Variants in MYO5B observed in about 807,000 individuals in gnomAD.
MYO5B encodes the protein myosin VB.
Under a neutral mutation model 229.3 loss-of-function variants are expected in MYO5B, and 143 were observed. The observed-to-expected ratio is 0.62, with a 90% CI of 0.54 to 0.72. The LOEUF is 0.72. MYO5B is among the 30% of genes least tolerant of loss of function. The pLI, the probability that MYO5B is intolerant of heterozygous loss-of-function variation, is 0.00. For synonymous variants in MYO5B, 918 were observed against 885.2 expected (o/e 1.04, Z -0.66); for missense variants, 2,321 against 2,331.0 (o/e 1.00, Z 0.09).
chr18:50,014,666 G>A (rs2026198431), intron 4 of MYO5B, among the ~76,000 whole-genome samples: 1 of 152,172 alleles, frequency 6.6e-6, no homozygotes, highest in African/African-American at 2.4e-5. Context: ...GGCTGGATGA[G>A]GAGCCCAAAG....
Position 49,826,306 on chromosome 18 carries a change from G to C in MYO5B, c.*165C>G, listed in dbSNP as rs1217634780. Reference sequence around the variant, plus strand: ...CTGAGCAGTAGGTACAAAAAATAATGACATAGTTGTGTCTAATTCTGTATA... The same window carrying C: ...CTGAGCAGTAGGTACAAAAAATAATCACATAGTTGTGTCTAATTCTGTATA... On this transcript the variant is annotated 3_prime_UTR_variant, in exon 40 of 40. Transcript: ENST00000285039. The C allele has an allele frequency of 1.2e-6, 1 of 810,372 alleles. No individual in the cohort carries two copies. Among genetic ancestry groups the C allele is most frequent in the Non-Finnish European group, 2.0e-6 (1 of 508,832 alleles). The allele number at this position is 810,372 out of a possible 1,614,324, so 50.2% of individuals were successfully genotyped here. A position where few individuals can be genotyped will look rare whatever the true frequency, so the allele number is the denominator to read the frequency against.
chr18:49,996,674 T>C (rs2025990951), intron 5 of MYO5B, among the ~76,000 whole-genome samples: 1 of 152,222 alleles, frequency 6.6e-6, no homozygotes, highest in African/African-American at 2.4e-5. Flanking sequence ...AAGAGGTATG[T>C]ATCAAGTAGT....
At chr18:50,120,268 AAG>A (rs1433907110) in intron 1 of MYO5B, among the ~76,000 whole-genome samples, 3 of 152,242 alleles carry the variant, frequency 2.0e-5, no homozygotes, top group African/African-American at 7.2e-5. Context: ...GTAAATGTGG[AAG>A]ACTCAAGTGA....
At chr18:50,129,023 G>A (rs868973) in intron 1 of MYO5B, among the ~76,000 whole-genome samples, 11 of 152,146 alleles carry the variant, frequency 7.2e-5, no homozygotes, top group East Asian at 1.9e-4. Flanking sequence ...CAAATCTCAC[G>A]GTAAGTCACT....
intron 17 of MYO5B, among the ~76,000 whole-genome samples, chr18:49,915,255 C>T (rs191342926): frequency 6.8e-4 from 103 of 152,172 alleles, no homozygotes; most frequent in Non-Finnish European, 6.5e-4. Context: ...AGTATATTTG[C>T]GAAGTTGTGC....
chr18:50,009,479 A>C (rs1326283948), intron 4 of MYO5B, among the ~76,000 whole-genome samples: 1 of 152,206 alleles, frequency 6.6e-6, no homozygotes, highest in Non-Finnish European at 1.5e-5. Flanking sequence ...ACACAAAACT[A>C]TATTAATATA....
At position 49,843,417 on chromosome 18, in the gene MYO5B, G is replaced by A. The variant is rs143558993; in HGVS notation, c.4460-25C>T. On this transcript the variant is annotated intron_variant, in intron 33 of 39. Transcript: ENST00000285039. ...TCTAAGGGCAACGAGAGCAGCAAAT[G>A]GCAAGTTAGATCTATGGGGGACAAT... The A allele has an allele frequency of 0.011, 17,157 of 1,613,878 alleles. 790 individuals carry two copies. The South Asian group carries it at 0.12, about 11-fold the overall frequency.
At chr18:50,156,798 A>G (rs1300822379) in intron 1 of MYO5B, among the ~76,000 whole-genome samples, 1 of 152,240 alleles carries the variant, frequency 6.6e-6, no homozygotes, top group African/African-American at 2.4e-5. Flanking sequence ...TAGAACTAAA[A>G]GCTAGAAGTC....
chr18:49,920,897 G>A (rs1473541718), intron 17 of MYO5B, among the ~76,000 whole-genome samples: 2 of 152,152 alleles, frequency 1.3e-5, no homozygotes, highest in East Asian at 1.9e-4. Flanking sequence ...CCGTGGGTCA[G>A]GCTCCAGTCC....
chr18:49,906,621 T>C lies in MYO5B; in HGVS notation c.2212A>G (p.Lys738Glu), dbSNP rs753293377. Reference protein sequence around the residue: ...VLENLIKDPDKFQFGRTKIFF... With the variant: ...VLENLIKDPDEFQFGRTKIFF... ...ATCTTGGTGCGGCCAAACTGGAACT[T>C]GTCGGGGTCCTTTACAAGGTAGGGA... Residue 738 changes from lysine to glutamate, a missense_variant, in exon 19 of 40, where the codon AAG becomes GAG. By Grantham distance (56) the Lys-to-Glu change is moderately conservative. Coordinates refer to ENST00000285039, the MANE Select transcript of MYO5B (RefSeq NM_001080467.3). The C allele has an allele frequency of 4.3e-6, 7 of 1,613,750 alleles. No individual in the cohort carries two copies. The highest frequency in any genetic ancestry group is 5.9e-6 in the Non-Finnish European group (7 of 1,179,908).
At chr18:49,909,348 C>T (rs1231187706) in intron 18 of MYO5B, among the ~76,000 whole-genome samples, 1 of 152,218 alleles carries the variant, frequency 6.6e-6, no homozygotes, top group Admixed American at 6.5e-5. Context: ...CTCAATCAGA[C>T]TGGATCAGAG....
At chr18:50,054,453 C>G (rs1038252102) in intron 2 of MYO5B, among the ~76,000 whole-genome samples, 3 of 152,206 alleles carry the variant, frequency 2.0e-5, no homozygotes, top group Admixed American at 6.5e-5. Flanking sequence ...TCACTGCCCC[C>G]CTTTAGCACT....
intron 1 of MYO5B, among the ~76,000 whole-genome samples, chr18:50,096,440 C>A (rs998002493): frequency 6.6e-6 from 1 of 152,130 alleles, no homozygotes; most frequent in East Asian, 1.9e-4. Flanking sequence ...AGCCTCTCCC[C>A]CCTCCAATCC....
chr18:49,991,932 A>G (rs547961337), intron 6 of MYO5B, among the ~76,000 whole-genome samples: 1 of 152,340 alleles, frequency 6.6e-6, no homozygotes, highest in South Asian at 2.1e-4. Context: ...AGGAAACCTA[A>G]AACCCAGACT....
intron 1 of MYO5B, among the ~76,000 whole-genome samples, chr18:50,183,268 T>C (rs2033098174): frequency 6.7e-6 from 1 of 148,802 alleles, no homozygotes; most frequent in African/African-American, 2.5e-5. Context: ...CTAGACTGTT[T>C]TCTTTTCCTT....
At position 50,009,150 on chromosome 18, in the gene MYO5B, G is replaced by A. The variant is rs576162191; in HGVS notation, c.456-7739C>T. ...CACAGCACCTTGGGAGGCTGAGGCAGGTGGATCACTTGAGGTCAGGAGTTT... is the reference window on the plus strand; with the variant it reads ...CACAGCACCTTGGGAGGCTGAGGCAAGTGGATCACTTGAGGTCAGGAGTTT... On this transcript the variant is annotated intron_variant, in intron 4 of 39. Transcript: ENST00000285039. Among the ~76,000 whole-genome samples, 10 of 152,266 alleles carry A rather than the reference G, an allele frequency of 6.6e-5. No homozygotes were observed. The South Asian group carries it at 2.1e-3, about 32-fold the overall frequency.
chr18:49,832,216 C>T (rs2023931035), intron 39 of MYO5B, among the ~76,000 whole-genome samples: 1 of 152,184 alleles, frequency 6.6e-6, no homozygotes, highest in Admixed American at 6.5e-5. Flanking sequence ...TACCCCAAAA[C>T]CATGGGATGG....
intron 1 of MYO5B, among the ~76,000 whole-genome samples, chr18:50,087,520 G>A (rs1045130217): frequency 1.3e-5 from 2 of 149,758 alleles, no homozygotes; most frequent in Non-Finnish European, 3.0e-5. Flanking sequence ...TTGCAGTGAG[G>A]TGAGATCGTG....
intron 1 of MYO5B, among the ~76,000 whole-genome samples, chr18:50,123,373 C>A (rs1030353855): frequency 5.3e-5 from 8 of 152,236 alleles, no homozygotes; most frequent in Admixed American, 3.9e-4. Flanking sequence ...TGTGGATGAA[C>A]TGAATACTAC....
Sources: allele counts gnomAD v4.1 joint callset (sites outside exome capture counted in the v4.1 genomes callset), GRCh38; gene constraint gnomAD v4.1.1; transcripts MANE v1.5; gene names NCBI Gene and HGNC (gene_info 2026-07-23, HGNC 2026-07-21).